SPATS2L: variants seen among roughly 807,000 people sequenced by gnomAD.
SPATS2L encodes spermatogenesis associated serine rich 2 like.
SPATS2L carries 30 observed loss-of-function variants against 59.6 expected under a neutral mutation model. The observed-to-expected ratio is 0.50, with a 90% CI of 0.38 to 0.68. The LOEUF (loss-of-function observed/expected upper bound fraction) is 0.68. SPATS2L is among the 30% of genes least tolerant of loss of function. The pLI is 0.00. For missense variants in SPATS2L, 615 were observed against 700.0 expected (o/e 0.88, Z 1.37); for synonymous variants, 252 against 263.5 (o/e 0.96, Z 0.42).
chr2:200,352,313 TTA>T (rs869105613), intron 2 of SPATS2L, among the ~76,000 whole-genome samples: 1 of 8,650 alleles, frequency 1.2e-4, no homozygotes, highest in African/African-American at 1.6e-4. Context: ...CCAGCAGTTT[TTA>T]TATATATATA....
intron 2 of SPATS2L, among the ~76,000 whole-genome samples, chr2:200,342,613 TCTCA>T (rs2105823603): frequency 6.6e-6 from 1 of 152,334 alleles, no homozygotes; most frequent in African/African-American, 2.4e-5. Flanking sequence ...GAGCCAAAGG[TCTCA>T]CTTTTTGTGA....
At chr2:200,339,625 A>C (rs1208532664) in intron 2 of SPATS2L, among the ~76,000 whole-genome samples, 3 of 152,236 alleles carry the variant, frequency 2.0e-5, no homozygotes, top group African/African-American at 7.2e-5. Context: ...ATCCATAGAT[A>C]AATTCAATGC....
At chr2:200,401,196 A>C (rs1163733900) in intron 3 of SPATS2L, among the ~76,000 whole-genome samples, 2 of 130,774 alleles carry the variant, frequency 1.5e-5, no homozygotes, top group African/African-American at 5.3e-5. Context: ...TTGAGACTGC[A>C]CAAGGAGAGA....
intron 2 of SPATS2L, among the ~76,000 whole-genome samples, chr2:200,340,181 G>A (rs1459948533): frequency 6.6e-6 from 1 of 152,182 alleles, no homozygotes; most frequent in Non-Finnish European, 1.5e-5. Flanking sequence ...TTGGTATTGG[G>A]TGGCCTCTGT....
chr2:200,388,685 A>G (rs1038206147), intron 2 of SPATS2L, among the ~76,000 whole-genome samples: 1 of 150,414 alleles, frequency 6.6e-6, no homozygotes, highest in African/African-American at 2.4e-5. Flanking sequence ...AGCATTCCAG[A>G]TAGAAAAGTT....
intron 9 of SPATS2L, among the ~76,000 whole-genome samples, chr2:200,460,667 T>C (rs1474463426): frequency 2.0e-5 from 3 of 150,072 alleles, no homozygotes; most frequent in Non-Finnish European, 4.4e-5. Flanking sequence ...AGGAGAATGG[T>C]GTGAACCCGG....
At chr2:200,433,976 A>G (rs1395622416) in intron 6 of SPATS2L, among the ~76,000 whole-genome samples, 2 of 152,068 alleles carry the variant, frequency 1.3e-5, no homozygotes, top group Non-Finnish European at 2.9e-5. Context: ...AAAACCTGAC[A>G]AAGTCATTAC....
chr2:200,439,112 T>G lies in SPATS2L; in HGVS notation c.446-10T>G, dbSNP rs1398948114. On this transcript the variant is annotated splice_polypyrimidine_tract_variant and intron_variant, in intron 6 of 12. Transcript: ENST00000409140. ...TCACTTCACAGTCATTATTTGGTGT[T>G]TTCTTACAGAAGGCAACAGACTACT... 3 of 1,610,370 alleles carry G rather than the reference T, an allele frequency of 1.9e-6. No homozygotes were observed. Among genetic ancestry groups the G allele is most frequent in the Admixed American group, 3.3e-5 (2 of 59,906 alleles).
rs893347411 is a variant in SPATS2L, at chr2:200,481,304, G to T, written c.*3273G>T. The T allele has an allele frequency of 6.6e-6, 1 of 152,198 alleles. No individual in the cohort carries two copies. Among genetic ancestry groups the T allele is most frequent in the African/African-American group, 2.4e-5 (1 of 41,440 alleles). 9.4% of individuals were successfully genotyped at this position (152,198 alleles called of 1,614,324 possible). On this transcript the variant is annotated 3_prime_UTR_variant, in exon 13 of 13. Coordinates refer to ENST00000409140, the MANE Select transcript of SPATS2L (RefSeq NM_001100423.2). Reference sequence around the variant, plus strand: ...GGGAAGGACATCAAATGAGGTTAATGGGAAACGTTACCAGATTAAAAGCAG... The same window carrying T: ...GGGAAGGACATCAAATGAGGTTAATTGGAAACGTTACCAGATTAAAAGCAG...
intron 2 of SPATS2L, among the ~76,000 whole-genome samples, chr2:200,334,689 A>G (rs1368013918): frequency 6.6e-6 from 1 of 151,830 alleles, no homozygotes; most frequent in Non-Finnish European, 1.5e-5. Context: ...TGATTTTTGT[A>G]TAAGGTGTAA....
At chr2:200,387,658 C>T (rs192337349) in intron 2 of SPATS2L, among the ~76,000 whole-genome samples, 2 of 152,252 alleles carry the variant, frequency 1.3e-5, no homozygotes, top group East Asian at 1.9e-4. Context: ...CAAGTTATCC[C>T]TAGCATGTGT....
At chr2:200,339,636 A>T (rs369985383) in intron 2 of SPATS2L, among the ~76,000 whole-genome samples, 90 of 152,344 alleles carry the variant, frequency 5.9e-4, no homozygotes, top group African/African-American at 2.1e-3. Flanking sequence ...AATTCAATGC[A>T]TGTATTTATA....
rs769591781 is a variant in SPATS2L, at chr2:200,362,387, G to A, written c.-22-26836G>A. Among the ~76,000 whole-genome samples the A allele has an allele frequency of 2.6e-4, 40 of 152,216 alleles. 1 individual carries two copies. The highest frequency in any genetic ancestry group is 1.6e-3 in the Admixed American group (24 of 15,274). On this transcript the variant is annotated intron_variant, in intron 2 of 12. Coordinates refer to ENST00000409140, the MANE Select transcript of SPATS2L (RefSeq NM_001100423.2). ...TGTTTCTCCCTCATGTCACAGTCTA[G>A]GCATACAGGCTGATGAGGGAGCTGC...
intron 9 of SPATS2L, among the ~76,000 whole-genome samples, chr2:200,460,385 CA>C (rs1371628536): frequency 6.6e-6 from 1 of 152,158 alleles, no homozygotes; most frequent in Non-Finnish European, 1.5e-5. Context: ...CTTCAGATGT[CA>C]GACAAGGCAA....
At chr2:200,401,607 C>T (rs1242768944) in intron 3 of SPATS2L, among the ~76,000 whole-genome samples, 1 of 152,178 alleles carries the variant, frequency 6.6e-6, no homozygotes, top group Non-Finnish European at 1.5e-5. Context: ...GCCACCTTCT[C>T]TCCTTTGCCT....
At position 200,466,367 on chromosome 2, in the gene SPATS2L, G is replaced by A. The variant is rs188903973; in HGVS notation, c.848-923G>A. On this transcript the variant is annotated intron_variant, in intron 9 of 12. Transcript: ENST00000409140. ...GGCAATTCATATGAGTCGAATTAGA[G>A]AGCCAGAAGTCTATCTATTGAAAGA... 2.1e-3 allele frequency among the ~76,000 whole-genome samples: 326 copies of A among 152,336 alleles called. 1 individual carries two copies. The highest frequency in any genetic ancestry group is 3.9e-3 in the Non-Finnish European group (262 of 68,028).
At chr2:200,378,780 A>G (rs951012222) in intron 2 of SPATS2L, among the ~76,000 whole-genome samples, 2 of 152,172 alleles carry the variant, frequency 1.3e-5, no homozygotes, top group African/African-American at 4.8e-5. Context: ...AGAGTTAGCT[A>G]TAAACACAGA....
intron 9 of SPATS2L, among the ~76,000 whole-genome samples, chr2:200,465,995 G>A (rs2086573858): frequency 6.6e-6 from 1 of 152,212 alleles, no homozygotes; most frequent in East Asian, 1.9e-4. Context: ...TCATGCCACG[G>A]CACTCCAGCC....
At chr2:200,448,873 A>G (rs1449813797) in intron 8 of SPATS2L, among the ~76,000 whole-genome samples, 1 of 152,246 alleles carries the variant, frequency 6.6e-6, no homozygotes, top group Admixed American at 6.5e-5. Flanking sequence ...TTATGCCTCA[A>G]GAGAGCCATA....
Sources: allele counts gnomAD v4.1 joint callset (sites outside exome capture counted in the v4.1 genomes callset), GRCh38; gene constraint gnomAD v4.1.1; transcripts MANE v1.5; gene names NCBI Gene and HGNC (gene_info 2026-07-23, HGNC 2026-07-21).